Variants in KCNT2 observed in about 807,000 individuals in gnomAD.
KCNT2 encodes the protein potassium channel subfamily T member 2.
In KCNT2, 67 loss-of-function variants were observed where a neutral mutation model predicts 153.8. That is an observed-to-expected ratio of 0.44 (90% CI 0.36 to 0.53). KCNT2 has a LOEUF of 0.53. Among genes scored for constraint, KCNT2 ranks in the 20% least tolerant of loss-of-function variants. KCNT2 has a pLI of 0.00. For missense variants in KCNT2, 975 were observed against 1,354.8 expected (o/e 0.72, Z 4.40); for synonymous variants, 500 against 458.8 (o/e 1.09, Z -1.15).
At chr1:196,287,046 C>T (rs1048410620) in intron 22 of KCNT2, among the ~76,000 whole-genome samples, 32 of 152,018 alleles carry the variant, frequency 2.1e-4, no homozygotes, top group African/African-American at 7.0e-4. Flanking sequence ...TCCCATCTCA[C>T]GTGTATCTAT....
intron 16 of KCNT2, among the ~76,000 whole-genome samples, chr1:196,337,772 A>G (rs1170550430): frequency 6.6e-6 from 1 of 152,076 alleles, no homozygotes; most frequent in Non-Finnish European, 1.5e-5. Flanking sequence ...CCTCCCAAAA[A>G]TTAATTATCT....
At chr1:196,487,498 T>G (rs1679528538) in intron 3 of KCNT2, among the ~76,000 whole-genome samples, 2 of 151,144 alleles carry the variant, frequency 1.3e-5, no homozygotes, top group Non-Finnish European at 3.0e-5. Context: ...GGAGAAAAGG[T>G]TCACAATGAC....
chr1:196,512,899 T>C (rs977867662), intron 1 of KCNT2, among the ~76,000 whole-genome samples: 2 of 152,152 alleles, frequency 1.3e-5, no homozygotes, highest in South Asian at 2.1e-4. Context: ...AATTAGATAT[T>C]ACTGCAAAAA....
chr1:196,364,043 AG>A (rs1294192820), intron 14 of KCNT2, among the ~76,000 whole-genome samples: 1 of 152,136 alleles, frequency 6.6e-6, no homozygotes, highest in African/African-American at 2.4e-5. Context: ...TAACAACTAA[AG>A]GCAATGCAGG....
intron 17 of KCNT2, among the ~76,000 whole-genome samples, chr1:196,332,604 A>C (rs1664570198): frequency 6.6e-6 from 1 of 152,176 alleles, no homozygotes; most frequent in African/African-American, 2.4e-5. Flanking sequence ...GTCAGAGATT[A>C]TGCTGCCAAT....
intron 5 of KCNT2, among the ~76,000 whole-genome samples, chr1:196,473,699 T>C (rs78016247): frequency 2.1e-4 from 32 of 152,288 alleles, no homozygotes; most frequent in African/African-American, 7.2e-4. Flanking sequence ...CATCCATAAA[T>C]TATCTTTCTT....
intron 1 of KCNT2, among the ~76,000 whole-genome samples, chr1:196,551,397 G>C (rs2148898012): frequency 6.6e-6 from 1 of 151,848 alleles, no homozygotes; most frequent in African/African-American, 2.4e-5. Context: ...TGTTAAATCT[G>C]AGAGAACTTT....
intron 20 of KCNT2, among the ~76,000 whole-genome samples, chr1:196,317,838 A>G (rs1025322330): frequency 2.6e-5 from 4 of 151,760 alleles, no homozygotes; most frequent in African/African-American, 9.7e-5. Flanking sequence ...TGGCTGTTAT[A>G]GTTTACTCAT....
intron 8 of KCNT2, among the ~76,000 whole-genome samples, chr1:196,451,601 C>G (rs1676211626): frequency 6.6e-6 from 1 of 150,814 alleles, no homozygotes; most frequent in Non-Finnish European, 1.5e-5. Flanking sequence ...TGTAAAGTTT[C>G]CTTACCACCT....
intron 12 of KCNT2, among the ~76,000 whole-genome samples, chr1:196,417,079 AT>A (rs1033865299): frequency 6.6e-6 from 1 of 151,860 alleles, no homozygotes; most frequent in Non-Finnish European, 1.5e-5. Flanking sequence ...ACCCACAGAA[AT>A]TTTTTTTAAA....
chr1:196,446,049 A>G (rs1036130232), intron 8 of KCNT2, among the ~76,000 whole-genome samples: 3 of 151,478 alleles, frequency 2.0e-5, no homozygotes, highest in Non-Finnish European at 4.4e-5. Context: ...AACCTAACGG[A>G]CATTGCTCTT....
chr1:196,374,999 TC>T (rs1190313813), intron 13 of KCNT2, among the ~76,000 whole-genome samples: 1 of 151,852 alleles, frequency 6.6e-6, no homozygotes, highest in Non-Finnish European at 1.5e-5. Flanking sequence ...AAACCATATT[TC>T]TTTCAGTAGG....
intron 12 of KCNT2, among the ~76,000 whole-genome samples, chr1:196,411,995 A>C (rs1672379691): frequency 6.6e-6 from 1 of 151,792 alleles, no homozygotes; most frequent in South Asian, 2.1e-4. Flanking sequence ...TTATTTTAGC[A>C]TGTTGAACCA....
chr1:196,449,841 A>G (rs1310796606), intron 8 of KCNT2, among the ~76,000 whole-genome samples: 1 of 151,736 alleles, frequency 6.6e-6, no homozygotes, highest in East Asian at 1.9e-4. Flanking sequence ...GAAGAATTTT[A>G]AAAGAAAAAT....
intron 17 of KCNT2, among the ~76,000 whole-genome samples, chr1:196,332,992 G>T (rs960357126): frequency 6.6e-6 from 1 of 151,348 alleles, no homozygotes; most frequent in African/African-American, 2.4e-5. Context: ...GCCACACCAC[G>T]TTGGTCAGGC....
chr1:196,231,999 C>T lies in KCNT2; in HGVS notation c.3297-3664G>A, dbSNP rs188733462. ...GAAAACTAATTAAAAAGTGAGAACG[C>T]TAATAAAGTTTGCACTTTTGTCTTA... On this transcript the variant is annotated intron_variant, in intron 27 of 27. Transcript: ENST00000294725. Among the ~76,000 whole-genome samples, 17 of 151,852 alleles carry T rather than the reference C, an allele frequency of 1.1e-4. 2 individuals are homozygous for T. The East Asian group carries it at 3.1e-3, about 28-fold the overall frequency.
rs35621901 is a variant in KCNT2 at position 196,451,407 on chromosome 1, ATTTTTTTT to A, written c.638+13878_638+13885del. On this transcript the variant is annotated intron_variant, in intron 8 of 27. Coordinates refer to ENST00000294725, the MANE Select transcript of KCNT2 (RefSeq NM_198503.5). ...AGACGTGCGCTACCACACCCAACAC[ATTTTTTTT>A]TTTTTTTTTTTTTTTTTGGATTTTA... Among the ~76,000 whole-genome samples, 100 of 62,880 alleles carry A rather than the reference ATTTTTTTT, an allele frequency of 1.6e-3. 1 individual carries two copies. The highest frequency in any genetic ancestry group is 7.1e-4 in the Non-Finnish European group (26 of 36,546). The allele number at this position is 62,880 out of a possible 152,430, so 41.3% of individuals were successfully genotyped here. A position where few individuals can be genotyped will look rare whatever the true frequency, so the allele number is the denominator to read the frequency against.
chr1:196,532,898 C>T (rs1436757863), intron 1 of KCNT2, among the ~76,000 whole-genome samples: 1 of 152,028 alleles, frequency 6.6e-6, no homozygotes, highest in East Asian at 1.9e-4. Flanking sequence ...GCTAACTTCT[C>T]CATATCATCT....
chr1:196,602,942 G>A (rs1035052877), intron 1 of KCNT2, among the ~76,000 whole-genome samples: 16 of 150,102 alleles, frequency 1.1e-4, no homozygotes, highest in Non-Finnish European at 2.1e-4. Context: ...GCCCGCCACC[G>A]CGCCCGGCTA....
Sources: gnomAD v4.1 joint callset for allele counts (sites outside exome capture counted in the v4.1 genomes callset) on GRCh38, gnomAD v4.1.1 for gene constraint, MANE v1.5 for transcripts, NCBI Gene and HGNC (gene_info 2026-07-23, HGNC 2026-07-21) for gene names.